Variants in GNA14 observed in about 807,000 individuals in gnomAD.
GNA14 encodes G protein subunit alpha 14.
A neutral mutation model predicts 42.0 loss-of-function variants in GNA14; 50 were observed. The ratio of observed to expected loss-of-function variants is 1.19; its 90% CI spans 0.95 to 1.51. GNA14 has a LOEUF of 1.51. Ranked by LOEUF, GNA14 falls within the 40% of genes most tolerant of loss-of-function variation. GNA14 has a pLI of 0.00. For missense variants in GNA14, 473 were observed against 446.2 expected (o/e 1.06, Z -0.54); for synonymous variants, 173 against 163.1 (o/e 1.06, Z -0.46).
At chr9:77,640,079 G>C (rs971536680) in intron 1 of GNA14, among the ~76,000 whole-genome samples, 1 of 152,218 alleles carries the variant, frequency 6.6e-6, no homozygotes, top group Non-Finnish European at 1.5e-5. Flanking sequence ...ATTGATCCAG[G>C]AGTGCACCCT....
chr9:77,436,303 T>C (rs972641556), intron 2 of GNA14, among the ~76,000 whole-genome samples: 1 of 152,190 alleles, frequency 6.6e-6, no homozygotes, highest in Non-Finnish European at 1.5e-5. Context: ...GTTGGGACTT[T>C]TAAGGACCCC....
chr9:77,584,464 GC>G (rs1317943925), intron 1 of GNA14, among the ~76,000 whole-genome samples: 2 of 151,976 alleles, frequency 1.3e-5, no homozygotes, highest in Non-Finnish European at 2.9e-5. Context: ...AACATCCCTA[GC>G]CTCTACCCTC....
intron 2 of GNA14, among the ~76,000 whole-genome samples, chr9:77,453,773 T>C (rs763943701): frequency 9.9e-5 from 15 of 152,252 alleles, no homozygotes; most frequent in Non-Finnish European, 1.9e-4. Flanking sequence ...TACAGCAACA[T>C]GGAGTGGGGA....
intron 1 of GNA14, among the ~76,000 whole-genome samples, chr9:77,536,092 G>A (rs967328255): frequency 2.0e-5 from 3 of 152,030 alleles, no homozygotes; most frequent in Admixed American, 1.3e-4. Context: ...TTCTGTTCTC[G>A]CAAATAGAGG....
At chr9:77,620,887 G>C (rs1823910916) in intron 1 of GNA14, among the ~76,000 whole-genome samples, 2 of 147,892 alleles carry the variant, frequency 1.4e-5, no homozygotes, top group South Asian at 4.3e-4. Context: ...CTTTCTGTTT[G>C]GCCAACATGA....
intron 1 of GNA14, among the ~76,000 whole-genome samples, chr9:77,584,821 G>C (rs530929006): frequency 1.3e-5 from 2 of 152,272 alleles, no homozygotes; most frequent in Non-Finnish European, 2.9e-5. Flanking sequence ...AATAAGGGGT[G>C]AGTTATCCAT....
chr9:77,608,192 C>T (rs1823669346), intron 1 of GNA14, among the ~76,000 whole-genome samples: 1 of 152,152 alleles, frequency 6.6e-6, no homozygotes, highest in Non-Finnish European at 1.5e-5. Context: ...ATTTTCCTTG[C>T]TAGGTTTTGG....
At chr9:77,563,411 A>G (rs541152611) in intron 1 of GNA14, among the ~76,000 whole-genome samples, 1 of 152,298 alleles carries the variant, frequency 6.6e-6, no homozygotes, top group East Asian at 1.9e-4. Flanking sequence ...GCTTAGGAAA[A>G]CACAGATAAT....
chr9:77,535,085 G>A (rs1191468372), intron 1 of GNA14, among the ~76,000 whole-genome samples: 2 of 152,166 alleles, frequency 1.3e-5, no homozygotes. Flanking sequence ...AGGAAGGAGC[G>A]TTTCTCAGCA....
chr9:77,564,312 A>AAC (rs1554698986), intron 1 of GNA14, among the ~76,000 whole-genome samples: 8 of 151,624 alleles, frequency 5.3e-5, no homozygotes, highest in South Asian at 4.2e-4. Flanking sequence ...AAAAAAAAAA[A>AAC]AACTTATTTT....
intron 1 of GNA14, among the ~76,000 whole-genome samples, chr9:77,593,503 T>G (rs1478897170): frequency 6.6e-6 from 1 of 151,944 alleles, no homozygotes; most frequent in African/African-American, 2.4e-5. Context: ...AGAGATGAGG[T>G]TTCATCATGT....
chr9:77,545,645 CCTT>C (rs1208625220), intron 1 of GNA14, among the ~76,000 whole-genome samples: 1 of 152,148 alleles, frequency 6.6e-6, no homozygotes, highest in Non-Finnish European at 1.5e-5. Flanking sequence ...ACCATTTTCA[CCTT>C]CTTTTATCTA....
chr9:77,568,253 C>T (rs140095594), intron 1 of GNA14, among the ~76,000 whole-genome samples: 4,783 of 152,166 alleles, frequency 0.031, 91 homozygotes, highest in South Asian at 0.051. Flanking sequence ...GAGTTCAAGA[C>T]CAGCTTGGCC....
intron 3 of GNA14, 50 bp from the exon 4 acceptor site, chr9:77,431,499 A>G (rs1164569076): frequency 6.5e-7 from 1 of 1,548,542 alleles, no homozygotes; most frequent in Non-Finnish European, 8.8e-7. Flanking sequence ...GCAGGGGGAA[A>G]TGTCCATCCT....
intron 2 of GNA14, among the ~76,000 whole-genome samples, chr9:77,481,751 T>C (rs1836556320): frequency 6.6e-6 from 1 of 152,222 alleles, no homozygotes; most frequent in Non-Finnish European, 1.5e-5. Context: ...GGTGCATATA[T>C]ATTTAGGATA....
At chr9:77,533,413 C>G (rs759056726) in intron 1 of GNA14, among the ~76,000 whole-genome samples, 7 of 152,168 alleles carry the variant, frequency 4.6e-5, no homozygotes, top group Non-Finnish European at 8.8e-5. Flanking sequence ...CTTCTGAGCT[C>G]AGGCCATCCT....
chr9:77,577,091 A>T (rs1323488018), intron 1 of GNA14, among the ~76,000 whole-genome samples: 1 of 152,228 alleles, frequency 6.6e-6, no homozygotes, highest in Non-Finnish European at 1.5e-5. Context: ...GCAATTAAAA[A>T]TTAAGGGCTT....
intron 2 of GNA14, among the ~76,000 whole-genome samples, chr9:77,487,641 C>T (rs984130006): frequency 1.3e-5 from 2 of 152,138 alleles, no homozygotes; most frequent in African/African-American, 4.8e-5. Flanking sequence ...GAGTCCTAAC[C>T]CAACACAAGT....
At chr9:77,627,007 AAGAG>A (rs1338842840) in intron 1 of GNA14, among the ~76,000 whole-genome samples, 1 of 152,206 alleles carries the variant, frequency 6.6e-6, no homozygotes, top group Non-Finnish European at 1.5e-5. Context: ...TAAAGAAGAA[AAGAG>A]AGAAGACTCA....
Sources: allele counts gnomAD v4.1 joint callset (sites outside exome capture counted in the v4.1 genomes callset), GRCh38; gene constraint gnomAD v4.1.1; transcripts MANE v1.5; gene names NCBI Gene and HGNC (gene_info 2026-07-23, HGNC 2026-07-21).